ADGRF1: variants seen among roughly 807,000 people sequenced by gnomAD.
The protein encoded by ADGRF1 is adhesion G protein-coupled receptor F1, also known as G protein-coupled receptor 110.
ADGRF1 carries 85 observed loss-of-function variants against 87.2 expected under a neutral mutation model. That is an observed-to-expected ratio of 0.97 (90% CI 0.82 to 1.17). The LOEUF (loss-of-function observed/expected upper bound fraction) is 1.17. ADGRF1 is among the 50% of genes most tolerant of loss of function. The probability of loss-of-function intolerance (pLI) is 0.00; values close to 1 mark genes in which losing one functional copy is unlikely to be tolerated. For missense variants in ADGRF1, 1,169 were observed against 1,077.2 expected, an observed-to-expected ratio of 1.09 and a Z score of -1.19; for synonymous variants, 430 against 408.8, an observed-to-expected ratio of 1.05 and a Z score of -0.63.
chr6:47,022,073 A>C lies in ADGRF1; in HGVS notation c.452-15T>G. Reference sequence around the variant, plus strand: ...GCCCCAAATCTCTGTAGGAAATAAAAATAAGTTTATAGACATAATAAATTT... The same window carrying C: ...GCCCCAAATCTCTGTAGGAAATAAACATAAGTTTATAGACATAATAAATTT... On this transcript the variant is annotated splice_polypyrimidine_tract_variant and intron_variant, in intron 5 of 14. Transcript: ENST00000371253. 1 of 1,414,122 alleles carries C rather than the reference A, an allele frequency of 7.1e-7. No individual in the cohort carries two copies. The highest frequency in any genetic ancestry group is 1.2e-5 in the South Asian group (1 of 80,376). The allele number at this position is 1,414,122 out of a possible 1,614,324, so 87.6% of individuals were successfully genotyped here.
chr6:47,001,984 G>A (rs1779376950), intron 13 of ADGRF1: 1 of 174,258 alleles, frequency 5.7e-6, no homozygotes, highest in Admixed American at 5.8e-5. Context: ...GCTCATCTTA[G>A]CTCTCAAACC....
At chr6:47,023,551 C>G (rs1780133440) in intron 5 of ADGRF1, among the ~76,000 whole-genome samples, 1 of 152,126 alleles carries the variant, frequency 6.6e-6, no homozygotes, top group African/African-American at 2.4e-5. Context: ...CTAAGCTAGA[C>G]TTTTAGCTTT....
At position 47,033,306 on chromosome 6, in the gene ADGRF1, G is replaced by A. The variant is rs139312893; in HGVS notation, c.-43-4202C>T. Among the ~76,000 whole-genome samples, 18 of 152,294 alleles carry A rather than the reference G, an allele frequency of 1.2e-4. No homozygotes were observed. The East Asian group carries it at 2.3e-3, about 20-fold the overall frequency. ...GTTTACAGGGAACAATCATTAGAAC[G>A]TGCTATTATGCCTCTGGAGAGGGCT... On this transcript the variant is annotated intron_variant, in intron 1 of 14. Coordinates refer to ENST00000371253, the MANE Select transcript of ADGRF1 (RefSeq NM_153840.4).
At chr6:47,017,785 T>C (rs2113890346) in intron 7 of ADGRF1, 2 of 152,286 alleles carry the variant, frequency 1.3e-5, no homozygotes, top group South Asian at 2.1e-4. Context: ...AAGTGGTTGC[T>C]TCTGGCGTGA....
chr6:47,022,638 T>G (rs1284642548), intron 5 of ADGRF1, among the ~76,000 whole-genome samples: 7 of 152,172 alleles, frequency 4.6e-5, no homozygotes, highest in Admixed American at 2.6e-4. Context: ...CCCATCCTCT[T>G]ACATATTCCT....
intron 10 of ADGRF1, among the ~76,000 whole-genome samples, chr6:47,011,440 C>T (rs771406865): frequency 1.2e-4 from 18 of 152,122 alleles, no homozygotes; most frequent in African/African-American, 2.9e-4. Flanking sequence ...ATTGAGCACA[C>T]GCTATATATC....
Position 47,012,203 on chromosome 6 carries a change from C to G in ADGRF1, c.928-8G>C. On this transcript the variant is annotated splice_region_variant and splice_polypyrimidine_tract_variant and intron_variant, in intron 9 of 14. Transcript: ENST00000371253. ...TACAATCATACTGAAATTCTAGAAG[C>G]GAAAATGGTTAAGTTCTAGAAAACA... 1 of 1,602,518 alleles carries G rather than the reference C, an allele frequency of 6.2e-7. No individual in the cohort carries two copies. The highest frequency in any genetic ancestry group is 8.5e-7 in the Non-Finnish European group (1 of 1,170,290).
At chr6:47,040,488 TA>T (rs66819789) in intron 1 of ADGRF1, among the ~76,000 whole-genome samples, 53,313 of 149,862 alleles carry the variant, frequency 0.36, 9,497 homozygotes, top group East Asian at 0.47. Context: ...TAAAATAAAA[TA>T]AAAAAAAAAA....
Position 47,026,709 on chromosome 6 carries a change from G to A in ADGRF1, c.128-706C>T, listed in dbSNP as rs148499170. Among the ~76,000 whole-genome samples, 383 of 151,994 alleles carry A rather than the reference G, an allele frequency of 2.5e-3. 2 individuals carry two copies. The highest frequency in any genetic ancestry group is 8.8e-3 in the African/African-American group (363 of 41,418). Reference sequence around the variant, plus strand: ...TAAAACTTGACATGAAATTCCCAGGGGCTTCAAGGTCCCCCGAAGCTCACC... The same window carrying A: ...TAAAACTTGACATGAAATTCCCAGGAGCTTCAAGGTCCCCCGAAGCTCACC... On this transcript the variant is annotated intron_variant, in intron 3 of 14. Coordinates refer to ENST00000371253, the MANE Select transcript of ADGRF1 (RefSeq NM_153840.4).
chr6:47,012,212 T>C lies in ADGRF1; in HGVS notation c.928-17A>G. 3.1e-6 allele frequency: 5 copies of C among 1,604,472 alleles called. No individual in the cohort carries two copies. The highest frequency in any genetic ancestry group is 4.3e-6 in the Non-Finnish European group (5 of 1,171,936). On this transcript the variant is annotated splice_polypyrimidine_tract_variant and intron_variant, in intron 9 of 14. Transcript: ENST00000371253. ...ACTGAAATTCTAGAAGCGAAAATGG[T>C]TAAGTTCTAGAAAACAATGACATGC...
chr6:47,009,073 G>T lies in ADGRF1; in HGVS notation c.2362C>A (p.Arg788Ser), dbSNP rs368956326. 2 of 1,614,040 alleles carry T rather than the reference G, an allele frequency of 1.2e-6. No individual in the cohort carries two copies. The highest frequency in any genetic ancestry group is 2.2e-5 in the East Asian group (1 of 44,860). ...AGAATGAGGAGGCTCTTCCCCACGCGGATGATGGTGGCCTTGTCATCCCGA... is the reference window on the plus strand; with the variant it reads ...AGAATGAGGAGGCTCTTCCCCACGCTGATGATGGTGGCCTTGTCATCCCGA... ...LSRDDKATIIRVGKSLLILTP... is the reference protein window; with the variant it reads ...LSRDDKATIISVGKSLLILTP... Residue 788 changes from arginine (R) to serine (S), a missense_variant, in exon 11 of 15, where the codon CGC becomes AGC. Arg to Ser is a moderately radical substitution (Grantham distance 110, BLOSUM62 -1). Transcript: ENST00000371253.
chr6:47,001,263 G>C (rs1779356276), intron 14 of ADGRF1, among the ~76,000 whole-genome samples: 1 of 152,234 alleles, frequency 6.6e-6, no homozygotes, highest in South Asian at 2.1e-4. Context: ...TTGGGAAATA[G>C]AGATAATTTG....
At chr6:47,039,050 A>G (rs901858357) in intron 1 of ADGRF1, among the ~76,000 whole-genome samples, 7 of 152,222 alleles carry the variant, frequency 4.6e-5, no homozygotes, top group Non-Finnish European at 8.8e-5. Context: ...GGCTGTCCCA[A>G]CTTCACAAAT....
At chr6:47,032,197 A>T (rs1780451160) in intron 1 of ADGRF1, among the ~76,000 whole-genome samples, 1 of 152,204 alleles carries the variant, frequency 6.6e-6, no homozygotes, top group Admixed American at 6.5e-5. Flanking sequence ...AAAATAAAAA[A>T]ATAAAGATTT....
intron 12 of ADGRF1, among the ~76,000 whole-genome samples, 177 bp downstream of exon 12, chr6:47,007,076 G>T (rs1226474): frequency 0.11 from 17,055 of 152,118 alleles, 2,322 homozygotes; most frequent in African/African-American, 0.32. Flanking sequence ...TTTATCAGCA[G>T]TGACTGTTTA....
intron 10 of ADGRF1, among the ~76,000 whole-genome samples, chr6:47,011,067 T>C (rs903798710): frequency 1.3e-5 from 2 of 152,236 alleles, no homozygotes; most frequent in African/African-American, 4.8e-5. Flanking sequence ...TCCCATGATG[T>C]TCTACTTCTA....
intron 7 of ADGRF1, chr6:47,018,689 G>GCAGA: frequency 2.3e-6 from 2 of 862,858 alleles, no homozygotes; most frequent in Non-Finnish European, 3.3e-6. Context: ...AGGTGTGTGG[G>GCAGA]TCATTTGAGG....
intron 11 of ADGRF1, among the ~76,000 whole-genome samples, chr6:47,008,671 CT>C (rs1317957024): frequency 6.6e-6 from 1 of 152,206 alleles, no homozygotes; most frequent in Non-Finnish European, 1.5e-5. Flanking sequence ...AGAAAGAGAA[CT>C]GAGTCAGCAG....
At chr6:47,006,415 A>T (rs539738110) in intron 12 of ADGRF1, among the ~76,000 whole-genome samples, 5 of 151,914 alleles carry the variant, frequency 3.3e-5, no homozygotes, top group African/African-American at 9.6e-5. Context: ...ATATTTAAAA[A>T]TTTTTTTCTA....
Sources: allele counts gnomAD v4.1 joint callset (sites outside exome capture counted in the v4.1 genomes callset), GRCh38; gene constraint gnomAD v4.1.1; transcripts MANE v1.5; gene names NCBI Gene and HGNC (gene_info 2026-07-23, HGNC 2026-07-21).